IBA57: variants seen among roughly 807,000 people sequenced by gnomAD.
IBA57 encodes iron-sulfur cluster assembly factor IBA57, also known as iron-sulfur cluster assembly factor IBA57, mitochondrial.
Under a neutral mutation model 20.4 loss-of-function variants are expected in IBA57, and 20 were observed. The ratio of observed to expected loss-of-function variants is 0.98; its 90% confidence interval spans 0.69 to 1.42. The LOEUF (loss-of-function observed/expected upper bound fraction) is 1.42, where lower values mean the gene tolerates loss of function less well. IBA57 is among the 40% of genes most tolerant of loss of function. The pLI is 0.00. For synonymous variants in IBA57, 310 were observed against 233.9 expected (o/e 1.33, Z -2.97); for missense variants, 608 against 499.3 (o/e 1.22, Z -2.07).
chr1:228,173,440 C>T (rs1045053344), intron 1 of IBA57: 1 of 150,582 alleles, frequency 6.6e-6, no homozygotes, highest in Non-Finnish European at 1.5e-5. Context: ...AGCCTCTCCT[C>T]TTCCCACCAT....
rs1227782467 is a variant in IBA57 at position 228,177,908 on chromosome 1, G to T, written c.*2395G>T. On this transcript the variant is annotated 3_prime_UTR_variant, in exon 3 of 3. Coordinates refer to ENST00000366711, the MANE Select transcript of IBA57 (RefSeq NM_001010867.4). Reference sequence around the variant, plus strand: ...CGGCAGGGTCAGAGCTTTGTGTTCAGGAACACTGGGATCTGCTGAGAGCTG... The same window carrying T: ...CGGCAGGGTCAGAGCTTTGTGTTCATGAACACTGGGATCTGCTGAGAGCTG... 1 of 152,202 alleles carries T rather than the reference G, an allele frequency of 6.6e-6. No homozygotes were observed. Among genetic ancestry groups the T allele is most frequent in the African/African-American group, 2.4e-5 (1 of 41,456 alleles). The allele number at this position is 152,202 out of a possible 1,614,324, so 9.4% of individuals were successfully genotyped here.
In IBA57 at chr1:228,175,114, C is replaced by T. The variant is rs1237852353; in HGVS notation, c.680-8C>T. On this transcript the variant is annotated splice_polypyrimidine_tract_variant and splice_region_variant and intron_variant, in intron 2 of 2. Coordinates refer to ENST00000366711, the MANE Select transcript of IBA57 (RefSeq NM_001010867.4). ...TTCTCGCTGGTTTCCCCCCTCCAAT[C>T]CCTGCAGGCGTTCCTGAGGGGGTCC... 5 of 1,608,214 alleles carry T rather than the reference C, an allele frequency of 3.1e-6. No homozygotes were observed. The highest frequency in any genetic ancestry group is 4.2e-6 in the Non-Finnish European group (5 of 1,176,924).
Position 228,167,624 on chromosome 1 carries a change from A to G in IBA57, c.341+1467A>G, listed in dbSNP as rs552599312. Reference sequence around the variant, plus strand: ...CACCCGCCTCGGCCTCCCAAAGTGCAGGGATTACAGGTGTGAGCCACTGTG... The same window carrying G: ...CACCCGCCTCGGCCTCCCAAAGTGCGGGGATTACAGGTGTGAGCCACTGTG... On this transcript the variant is annotated intron_variant, in intron 1 of 2. Transcript: ENST00000366711. 2.6e-5 allele frequency among the ~76,000 whole-genome samples: 4 copies of G among 152,230 alleles called. No individual in the cohort carries two copies. The South Asian group carries it at 8.3e-4, about 32-fold the overall frequency.
rs1336663293 is a variant in IBA57 at position 228,175,458 on chromosome 1, C to T, written c.1016C>T (p.Ala339Val). 1.2e-6 allele frequency: 2 copies of T among 1,604,216 alleles called. No homozygotes were observed. Among genetic ancestry groups the T allele is most frequent in the East Asian group, 2.2e-5 (1 of 44,740 alleles). Residue 339 changes from alanine to valine, a missense_variant, in exon 3 of 3, where the codon GCC becomes GTC. By Grantham distance (64) the Ala-to-Val change is moderately conservative (BLOSUM62 0). Coordinates refer to ENST00000366711, the MANE Select transcript of IBA57 (RefSeq NM_001010867.4). ...GPLHIRASEG[A>V]QVALAASVPD... ...CTGCACATCAGAGCCTCTGAGGGTG[C>T]CCAGGTGGCCTTAGCCGCATCTGTG...
At chr1:228,169,415 G>A (rs1233767230) in intron 1 of IBA57, among the ~76,000 whole-genome samples, 1 of 152,118 alleles carries the variant, frequency 6.6e-6, no homozygotes, top group East Asian at 1.9e-4. Context: ...TCTTTTAATA[G>A]GAGTTGCTTT....
At chr1:228,174,573 G>T (rs1312656509) in intron 1 of IBA57, 119 bp from the exon 2 acceptor site, 5 of 954,230 alleles carry the variant, frequency 5.2e-6, no homozygotes, top group African/African-American at 5.0e-5. Flanking sequence ...TGAGGGCAGA[G>T]CTCTTTGCGT....
chr1:228,167,293 C>T (rs1370282165), intron 1 of IBA57, among the ~76,000 whole-genome samples: 2 of 151,482 alleles, frequency 1.3e-5, no homozygotes, highest in Non-Finnish European at 2.9e-5. Context: ...AGCCCATTGC[C>T]GGTGTTTATA....
chr1:228,174,981 G>T lies in IBA57; in HGVS notation c.631G>T (p.Gly211Cys). 6 of 1,549,806 alleles carry T rather than the reference G, an allele frequency of 3.9e-6. No homozygotes were observed. The African/African-American group carries it at 5.4e-5, about 14-fold the overall frequency. ...TGAAGGCCCAGCCCTGGTGCCCGGG[G>T]GCCGGCTCGGGGACTTGTGGGATTA... ...QDEGPALVPG[G>C]RLGDLWDYHQ... Residue 211 changes from glycine (G) to cysteine (C), a missense_variant, in exon 2 of 3, where the codon GGC becomes TGC. Physicochemically the swap from Gly to Cys is radical, Grantham distance 159. Coordinates refer to ENST00000366711, the MANE Select transcript of IBA57 (RefSeq NM_001010867.4).
Position 228,175,928 on chromosome 1 carries a change from G to A in IBA57, c.*415G>A, listed in dbSNP as rs906342346. ...TGCCTGGAAGCGGGGTGGTGTCCAG[G>A]GTCTGCAGGCTGGGGCTCGGGCTTT... On this transcript the variant is annotated 3_prime_UTR_variant, in exon 3 of 3. Transcript: ENST00000366711. 5 of 174,010 alleles carry A rather than the reference G, an allele frequency of 2.9e-5. No homozygotes were observed. Among genetic ancestry groups the A allele is most frequent in the African/African-American group, 9.5e-5 (4 of 41,970 alleles). 10.8% of individuals were successfully genotyped at this position (174,010 alleles called of 1,614,324 possible). A position where few individuals can be genotyped will look rare whatever the true frequency, so the allele number is the denominator to read the frequency against.
rs556989993 is a variant in IBA57 at position 228,165,917 on chromosome 1, G to A, written c.101G>A (p.Ser34Asn). 12 of 1,476,984 alleles carry A rather than the reference G, an allele frequency of 8.1e-6. No homozygotes were observed. Among genetic ancestry groups the A allele is most frequent in the African/African-American group, 5.9e-5 (4 of 68,326 alleles). 91.5% of individuals were successfully genotyped at this position (1,476,984 alleles called of 1,614,324 possible). ...GCCCCAAGGTGCCGCCTGGCCCACAGCTCCTGCAGTCCTGGTGGCGACCCA... is the reference window on the plus strand; with the variant it reads ...GCCCCAAGGTGCCGCCTGGCCCACAACTCCTGCAGTCCTGGTGGCGACCCA... ...RAAPRCRLAHSSCSPGGDPTA... is the reference protein window; with the variant it reads ...RAAPRCRLAHNSCSPGGDPTA... Residue 34 changes from serine to asparagine, a missense_variant, in exon 1 of 3, where the codon AGC (serine) becomes AAC (asparagine). Physicochemically the swap from Ser to Asn is conservative, Grantham distance 46. Transcript: ENST00000366711.
intron 1 of IBA57, among the ~76,000 whole-genome samples, chr1:228,174,048 C>T (rs1019039520): frequency 1.3e-5 from 2 of 152,024 alleles, no homozygotes; most frequent in African/African-American, 4.8e-5. Context: ...CGGCACTCTG[C>T]GCTGGTCTCC....
chr1:228,167,931 A>C (rs2034873967), intron 1 of IBA57, among the ~76,000 whole-genome samples: 1 of 152,208 alleles, frequency 6.6e-6, no homozygotes. Flanking sequence ...TTAGCCTTAC[A>C]ATGATGTTGA....
chr1:228,173,640 G>C (rs117511483), intron 1 of IBA57: 2 of 152,698 alleles, frequency 1.3e-5, no homozygotes, highest in East Asian at 3.8e-4. Context: ...TGGGCTCCTT[G>C]CTCCTCCCTC....
rs1440595238 is a variant in IBA57 at position 228,175,786 on chromosome 1, G to T, written c.*273G>T. The T allele has an allele frequency of 2.7e-6, 1 of 372,910 alleles. No homozygotes were observed. Among genetic ancestry groups the T allele is most frequent in the African/African-American group, 2.1e-5 (1 of 48,092 alleles). The allele number at this position is 372,910 out of a possible 1,614,324, so 23.1% of individuals were successfully genotyped here. On this transcript the variant is annotated 3_prime_UTR_variant, in exon 3 of 3. Coordinates refer to ENST00000366711, the MANE Select transcript of IBA57 (RefSeq NM_001010867.4). ...CTCCAGATGGCGCCGGGTCCCAATC[G>T]TGGCTCCACACAGGGTTGTCTGGGA...
Position 228,180,987 on chromosome 1 carries a change from C to CT in IBA57, c.*5476dup, listed in dbSNP as rs2035101833. On this transcript the variant is annotated 3_prime_UTR_variant, in exon 3 of 3. Transcript: ENST00000366711. ...TGTTTTTAAATGCTGGTCTTCAACT[C>CT]TTGTCCCCAAGTAGCTGGGATTGGG... 1 of 152,004 alleles carries CT rather than the reference C, an allele frequency of 6.6e-6. No homozygotes were observed. Among genetic ancestry groups the CT allele is most frequent in the Admixed American group, 6.6e-5 (1 of 15,242 alleles). The allele number at this position is 152,004 out of a possible 1,614,324, so 9.4% of individuals were successfully genotyped here.
rs752463282 is a variant in IBA57, at chr1:228,170,260, T to C, written c.341+4103T>C. Reference sequence around the variant, plus strand: ...ATCTACTGAGGGACATATTGGTTGCTTCCAAGTTTTGGCAATTATGGATAA... The same window carrying C: ...ATCTACTGAGGGACATATTGGTTGCCTCCAAGTTTTGGCAATTATGGATAA... On this transcript the variant is annotated intron_variant, in intron 1 of 2. Transcript: ENST00000366711. This position sits in a 1 kb window ranked among gnomAD's most constrained non-coding sequence, Gnocchi z 4.8. Among the ~76,000 whole-genome samples the C allele has an allele frequency of 1.7e-4, 26 of 152,256 alleles. No individual in the cohort carries two copies. Among genetic ancestry groups the C allele is most frequent in the Non-Finnish European group, 1.0e-4 (7 of 68,052 alleles).
chr1:228,175,160 G>C lies in IBA57; in HGVS notation c.718G>C (p.Ala240Pro). ...EGVRDLPPGV[A>P]LPLESNLAFM... Reference sequence around the variant, plus strand: ...GGTCCGAGACTTGCCTCCTGGGGTGGCCCTGCCCCTGGAGTCCAACCTGGC... The same window carrying C: ...GGTCCGAGACTTGCCTCCTGGGGTGCCCCTGCCCCTGGAGTCCAACCTGGC... Residue 240 changes from alanine to proline, a missense_variant, in exon 3 of 3, where the codon GCC becomes CCC. Ala to Pro is a conservative substitution (Grantham distance 27). Coordinates refer to ENST00000366711, the MANE Select transcript of IBA57 (RefSeq NM_001010867.4). 1 of 1,612,912 alleles carries C rather than the reference G, an allele frequency of 6.2e-7. No homozygotes were observed. Among genetic ancestry groups the C allele is most frequent in the Non-Finnish European group, 8.5e-7 (1 of 1,179,930 alleles).
chr1:228,170,106 T>A lies in IBA57; in HGVS notation c.341+3949T>A, dbSNP rs2034902474. 6.6e-6 allele frequency among the ~76,000 whole-genome samples: 1 copy of A among 152,170 alleles called. No homozygotes were observed. Among genetic ancestry groups the A allele is most frequent in the African/African-American group, 2.4e-5 (1 of 41,444 alleles). The stretch of plus-strand genomic sequence containing the variant: ...GGCTGGTCTCGAACTACTGACCTCA[T>A]GATCCGCCCGCCTCGGCCTCCCAAA... On this transcript the variant is annotated intron_variant, in intron 1 of 2. Coordinates refer to ENST00000366711, the MANE Select transcript of IBA57 (RefSeq NM_001010867.4). The surrounding 1 kb of genome is among the most constrained non-coding windows in gnomAD (Gnocchi z 4.8).
intron 1 of IBA57, among the ~76,000 whole-genome samples, chr1:228,168,024 A>G (rs1460180669): frequency 2.6e-5 from 4 of 152,036 alleles, no homozygotes; most frequent in South Asian, 2.1e-4. Flanking sequence ...TTGAATTCCT[A>G]TTCTTAATAA....
Sources: gnomAD v4.1 joint callset for allele counts (sites outside exome capture counted in the v4.1 genomes callset) on GRCh38, gnomAD v4.1.1 for gene constraint, Gnocchi (gnomAD v3.1) non-coding constraint, MANE v1.5 for transcripts, NCBI Gene and HGNC (gene_info 2026-07-23, HGNC 2026-07-21) for gene names.